The following SDK1 variants were observed in gnomAD, a reference collection of about 807,000 sequenced individuals.
SDK1 encodes protein sidekick-1.
SDK1 carries 157 observed loss-of-function variants against 245.5 expected under a neutral mutation model. The ratio of observed to expected loss-of-function variants is 0.64; its 90% CI spans 0.56 to 0.73. The LOEUF is 0.73. SDK1 is among the 30% of genes least tolerant of loss of function. SDK1 has a pLI of 0.00. For missense variants in SDK1, 3,583 were observed against 3,002.3 expected (o/e 1.19, Z -4.52); for synonymous variants, 1,647 against 1,278.5 (o/e 1.29, Z -6.15).
At chr7:3,752,145 G>A (rs1195120143) in intron 4 of SDK1, among the ~76,000 whole-genome samples, 1 of 152,076 alleles carries the variant, frequency 6.6e-6, no homozygotes, top group Non-Finnish European at 1.5e-5. Flanking sequence ...TTTTCATCTT[G>A]CACAACCTGA....
chr7:3,849,873 G>C (rs1193232333), intron 5 of SDK1, among the ~76,000 whole-genome samples: 2 of 152,180 alleles, frequency 1.3e-5, no homozygotes, highest in East Asian at 1.9e-4. Context: ...AGAGTTGACA[G>C]ACCTTTAGTT....
At chr7:3,807,385 T>A (rs983402489) in intron 4 of SDK1, among the ~76,000 whole-genome samples, 2 of 152,140 alleles carry the variant, frequency 1.3e-5, no homozygotes, top group Non-Finnish European at 2.9e-5. Flanking sequence ...CAGCATGCTG[T>A]GGTATAGTCG....
At chr7:3,627,355 G>C (rs1215109066) in intron 2 of SDK1, among the ~76,000 whole-genome samples, 1 of 152,128 alleles carries the variant, frequency 6.6e-6, no homozygotes, top group African/African-American at 2.4e-5. Flanking sequence ...CCTTCAATAA[G>C]TACAATGAGT....
chr7:3,496,100 G>A (rs1376123169), intron 1 of SDK1, among the ~76,000 whole-genome samples: 1 of 152,180 alleles, frequency 6.6e-6, no homozygotes, highest in Non-Finnish European at 1.5e-5. Flanking sequence ...CCCTGGAGAT[G>A]CGTAGTGTGG....
At chr7:3,864,754 T>C (rs1003890445) in intron 5 of SDK1, among the ~76,000 whole-genome samples, 1 of 152,140 alleles carries the variant, frequency 6.6e-6, no homozygotes, top group African/African-American at 2.4e-5. Context: ...CCCTGTTTAT[T>C]GCTCCCAAAT....
intron 4 of SDK1, among the ~76,000 whole-genome samples, chr7:3,705,427 TTTTATTTTATTTTATTTTA>T (rs1784856312): frequency 2.9e-5 from 1 of 34,550 alleles, no homozygotes; most frequent in Non-Finnish European, 4.4e-5. Flanking sequence ...TTCCTAGTGA[TTTTATTTTATTTTATTTTA>T]TTTTATTTTA....
At chr7:3,338,387 T>G in intron 1 of SDK1, 1 of 529,346 alleles carries the variant, frequency 1.9e-6, no homozygotes, top group Non-Finnish European at 3.6e-6. Flanking sequence ...CCAAGAGAAC[T>G]AATGTGCGTG....
chr7:3,970,047 T>A (rs905226464), intron 11 of SDK1, among the ~76,000 whole-genome samples: 1 of 152,216 alleles, frequency 6.6e-6, no homozygotes, highest in Non-Finnish European at 1.5e-5. Flanking sequence ...GCTTAAGGAT[T>A]GGACCAAATG....
chr7:3,595,954 T>TG (rs1424329117), intron 1 of SDK1, among the ~76,000 whole-genome samples: 1 of 142,454 alleles, frequency 7.0e-6, no homozygotes, highest in African/African-American at 2.6e-5. Flanking sequence ...TAATGGGTAT[T>TG]TTTTTTTTTT....
intron 4 of SDK1, among the ~76,000 whole-genome samples, chr7:3,742,878 T>C (rs980014180): frequency 2.0e-5 from 3 of 151,948 alleles, no homozygotes; most frequent in Admixed American, 1.3e-4. Flanking sequence ...AGAAATATGT[T>C]AGAAAGGAAT....
At chr7:3,682,879 C>T (rs1784152690) in intron 4 of SDK1, among the ~76,000 whole-genome samples, 1 of 152,052 alleles carries the variant, frequency 6.6e-6, no homozygotes, top group African/African-American at 2.4e-5. Context: ...GCTGGGACTA[C>T]AGGGGCCTGC....
chr7:4,184,662 G>T (rs1289006822), intron 35 of SDK1, among the ~76,000 whole-genome samples: 1 of 152,224 alleles, frequency 6.6e-6, no homozygotes, highest in East Asian at 1.9e-4. Context: ...ATAATTTTTA[G>T]ATTTTTAGCT....
chr7:4,145,166 G>A (rs2128206367), intron 28 of SDK1, among the ~76,000 whole-genome samples: 1 of 152,300 alleles, frequency 6.6e-6, no homozygotes, highest in African/African-American at 2.4e-5. Context: ...GCTCGGGAGG[G>A]GTGGGGCCAA....
chr7:4,143,773 GC>G (rs1222021599), intron 28 of SDK1, among the ~76,000 whole-genome samples: 3 of 152,192 alleles, frequency 2.0e-5, no homozygotes, highest in Non-Finnish European at 4.4e-5. Flanking sequence ...CACCCATGGG[GC>G]TCCAGCCCGA....
intron 28 of SDK1, among the ~76,000 whole-genome samples, chr7:4,139,411 A>T (rs1358526984): frequency 6.8e-6 from 1 of 147,062 alleles, no homozygotes; most frequent in African/African-American, 2.6e-5. Flanking sequence ...GTGTGTGTGT[A>T]TATGTGTGTG....
chr7:3,371,026 T>C (rs1290133421), intron 1 of SDK1, among the ~76,000 whole-genome samples: 3 of 152,144 alleles, frequency 2.0e-5, no homozygotes, highest in African/African-American at 7.2e-5. Flanking sequence ...TAAAAGCTTT[T>C]TGAAACGGAG....
At chr7:4,117,152 G>A (rs1473277041) in intron 25 of SDK1, among the ~76,000 whole-genome samples, 3 of 152,200 alleles carry the variant, frequency 2.0e-5, no homozygotes, top group African/African-American at 4.8e-5. Flanking sequence ...AAAACTTATG[G>A]ATAAAATATA....
Position 3,543,013 on chromosome 7 carries a change from A to G in SDK1, c.299-76067A>G, listed in dbSNP as rs573094819. Reference sequence around the variant, plus strand: ...CTTTGGGGAGATTACACTTTATGGCAAGGTTGCATTTGTTGTTATTTTGTT... The same window carrying G: ...CTTTGGGGAGATTACACTTTATGGCGAGGTTGCATTTGTTGTTATTTTGTT... On this transcript the variant is annotated intron_variant, in intron 1 of 44. Coordinates refer to ENST00000404826, the MANE Select transcript of SDK1 (RefSeq NM_152744.4). Among the ~76,000 whole-genome samples, 445 of 152,290 alleles carry G rather than the reference A, an allele frequency of 2.9e-3. 3 individuals carry two copies. Among genetic ancestry groups the G allele is most frequent in the African/African-American group, 0.01 (432 of 41,574 alleles).
chr7:3,678,372 G>A (rs1456422656), intron 4 of SDK1, among the ~76,000 whole-genome samples: 1 of 152,202 alleles, frequency 6.6e-6, no homozygotes, highest in Non-Finnish European at 1.5e-5. Flanking sequence ...TAATCTAAGT[G>A]TCCATCAGCA....
Sources: allele counts gnomAD v4.1 joint callset (sites outside exome capture counted in the v4.1 genomes callset), GRCh38; gene constraint gnomAD v4.1.1; transcripts MANE v1.5; gene names NCBI Gene and HGNC (gene_info 2026-07-23, HGNC 2026-07-21).